The following SPC25 variants were observed in gnomAD, a reference collection of about 807,000 sequenced individuals.
SPC25 encodes the protein kinetochore protein Spc25.
A neutral mutation model predicts 29.6 loss-of-function variants in SPC25; 22 were observed. That is an observed-to-expected ratio of 0.74 (90% CI 0.53 to 1.06). The LOEUF (loss-of-function observed/expected upper bound fraction) is 1.06. SPC25 is among the 50% of genes least tolerant of loss of function. The probability of loss-of-function intolerance (pLI) is 0.00; values close to 1 mark genes in which losing one functional copy is unlikely to be tolerated. For missense variants in SPC25, 230 were observed against 255.8 expected (o/e 0.90, Z 0.69); for synonymous variants, 91 against 90.4 (o/e 1.01, Z -0.04).
chr2:168,862,203 G>A (rs1187124723), intron 4 of SPC25, among the ~76,000 whole-genome samples: 20 of 152,204 alleles, frequency 1.3e-4, no homozygotes, highest in Admixed American at 1.3e-3. Flanking sequence ...ACAAAAGCTC[G>A]CATAATGATA....
chr2:168,863,650 T>C (rs1183869843), intron 4 of SPC25: 2 of 942,470 alleles, frequency 2.1e-6, no homozygotes, highest in Non-Finnish European at 2.4e-6. Flanking sequence ...GAATGGGGAG[T>C]TACATTTCTG....
At chr2:168,874,305 A>G (rs1184129653) in intron 5 of SPC25, among the ~76,000 whole-genome samples, 1 of 152,206 alleles carries the variant, frequency 6.6e-6, no homozygotes, top group Admixed American at 6.6e-5. Flanking sequence ...AGCCACTGTG[A>G]AAAACAGTTT....
Position 168,871,430 on chromosome 2 carries a change from GT to G in SPC25, c.675del (p.Ter225TyrfsTer30), listed in dbSNP as rs1559152650. 6.3e-7 allele frequency: 1 copy of G among 1,596,912 alleles called. No homozygotes were observed. Among genetic ancestry groups the G allele is most frequent in the Admixed American group, 1.8e-5 (1 of 55,902 alleles). ...CCGTTTTTATATACACTATTTGTAT[GT>G]TAATTATAAACCGTGGCAGTAAAAG... ...RKAFTATVYN[*>X] On this transcript the variant is annotated frameshift_variant and stop_lost, in exon 7 of 7. Transcript: ENST00000282074. LOFTEE classifies it high-confidence loss of function.
intron 3 of SPC25, among the ~76,000 whole-genome samples, chr2:168,886,542 T>C (rs1690266353): frequency 1.3e-5 from 2 of 150,278 alleles, no homozygotes; most frequent in South Asian, 2.1e-4. Flanking sequence ...TTTTTTGAGA[T>C]GGAGTCTTGC....
At chr2:168,866,318 T>C (rs1415967270), downstream of SPC25, among the ~76,000 whole-genome samples, 3 of 152,396 alleles carry the variant, frequency 2.0e-5, no homozygotes, top group South Asian at 4.1e-4. Context: ...TCAGAAATAA[T>C]CCCGCATATC....
At chr2:168,862,078 G>GCCTT (rs1297918355) in intron 4 of SPC25, 19 of 1,583,610 alleles carry the variant, frequency 1.2e-5, no homozygotes, top group Non-Finnish European at 1.6e-5. Flanking sequence ...TATTTTAATT[G>GCCTT]CCTTCCCATA....
chr2:168,863,881 A>G (rs1689661028), intron 4 of SPC25, among the ~76,000 whole-genome samples: 1 of 152,162 alleles, frequency 6.6e-6, no homozygotes, highest in African/African-American at 2.4e-5. Flanking sequence ...TGAGCCAGGC[A>G]GCATAAGGAT....
intron 3 of SPC25, among the ~76,000 whole-genome samples, chr2:168,878,075 C>T (rs935072243): frequency 1.1e-4 from 16 of 152,140 alleles, no homozygotes; most frequent in Middle Eastern, 3.4e-3. Context: ...TAAATTATTC[C>T]GGAACATACC....
downstream of SPC25, chr2:168,870,799 C>T (rs1251131397): frequency 6.6e-6 from 1 of 151,496 alleles, no homozygotes; most frequent in African/African-American, 2.5e-5. Context: ...GTTGGTGTGG[C>T]GATTCCTCAG....
intron 4 of SPC25, chr2:168,864,769 T>TATC (rs1465732727): frequency 6.3e-6 from 10 of 1,579,672 alleles, no homozygotes; most frequent in Non-Finnish European, 8.6e-6. Flanking sequence ...TTAAAACTCT[T>TATC]ATCAATCGGG....
At chr2:168,887,672 C>G (rs1407565769) in intron 3 of SPC25, among the ~76,000 whole-genome samples, 1 of 150,074 alleles carries the variant, frequency 6.7e-6, no homozygotes, top group Non-Finnish European at 1.5e-5. Flanking sequence ...ACTGTGGACA[C>G]ATGTTTGTGT....
chr2:168,884,178 C>T (rs1396540410), intron 3 of SPC25, among the ~76,000 whole-genome samples: 1 of 152,192 alleles, frequency 6.6e-6, no homozygotes, highest in Admixed American at 6.5e-5. Context: ...TGCATTTTCA[C>T]TCCAATGCAC....
chr2:168,869,343 G>A (rs866005449), downstream of SPC25, among the ~76,000 whole-genome samples: 20 of 152,326 alleles, frequency 1.3e-4, no homozygotes, highest in South Asian at 3.7e-3. Flanking sequence ...CATAGTGTTG[G>A]AAGTTCTGGC....
At chr2:168,871,737 G>A (rs1490499473) in intron 6 of SPC25, among the ~76,000 whole-genome samples, 182 bp from the exon 7 acceptor site, 1 of 151,794 alleles carries the variant, frequency 6.6e-6, no homozygotes, top group Non-Finnish European at 1.5e-5. Context: ...CCTTTCCTTC[G>A]TTTAATCTCT....
chr2:168,864,126 C>T (rs1689686479), intron 4 of SPC25, among the ~76,000 whole-genome samples: 1 of 151,998 alleles, frequency 6.6e-6, no homozygotes, highest in Admixed American at 6.6e-5. Context: ...TGCCACCATG[C>T]CTGGCTAATT....
intron 5 of SPC25, 42 bp from the exon 6 acceptor site, chr2:168,873,725 T>C (rs1338191656): frequency 1.1e-5 from 14 of 1,293,442 alleles, no homozygotes; most frequent in Non-Finnish European, 1.6e-5. Flanking sequence ...AAGCTTTCAA[T>C]GGAGATACCC....
At chr2:168,865,734 C>T (rs1689825737) in intron 4 of SPC25, among the ~76,000 whole-genome samples, 1 of 151,996 alleles carries the variant, frequency 6.6e-6, no homozygotes, top group African/African-American at 2.4e-5. Context: ...CTGTCTCAGC[C>T]CAAAATCTCC....
chr2:168,880,503 G>C (rs10179587), intron 3 of SPC25, among the ~76,000 whole-genome samples: 1 of 152,190 alleles, frequency 6.6e-6, no homozygotes, highest in African/African-American at 2.4e-5. Context: ...GTTGTGGTTT[G>C]TTTGCTCTTC....
rs764545639 is a variant in SPC25 at position 168,889,511 on chromosome 2, C to T, written c.9G>A (p.Glu3=). 15 of 1,613,192 alleles carry T rather than the reference C, an allele frequency of 9.3e-6. No individual in the cohort carries two copies. Among genetic ancestry groups the T allele is most frequent in the Non-Finnish European group, 5.1e-6 (6 of 1,179,742 alleles). MV[E]DELALFDKSI... The stretch of plus-strand genomic sequence containing the variant: ...TTTTATCGAAAAGTGCCAGTTCGTC[C>T]TCTACCATTATGTAGGACAATGCTA... Residue 3 remains glutamate, a synonymous_variant, in exon 2 of 7, where the codon GAG becomes GAA. Coordinates refer to ENST00000282074, the MANE Select transcript of SPC25 (RefSeq NM_020675.4).
Sources: gnomAD v4.1 joint callset for allele counts (sites outside exome capture counted in the v4.1 genomes callset) on GRCh38, gnomAD v4.1.1 for gene constraint, MANE v1.5 for transcripts, NCBI Gene and HGNC (gene_info 2026-07-23, HGNC 2026-07-21) for gene names.